AGBL4: variants seen among roughly 807,000 people sequenced by gnomAD.
The protein encoded by AGBL4 is cytosolic carboxypeptidase 6.
A neutral mutation model predicts 66.4 loss-of-function variants in AGBL4; 58 were observed. That is an observed-to-expected ratio of 0.87 (90% CI 0.71 to 1.09). The LOEUF (loss-of-function observed/expected upper bound fraction) is 1.09. Ranked by LOEUF, AGBL4 falls within the 50% of genes least tolerant of loss-of-function variation. AGBL4 has a pLI of 0.00. For missense variants in AGBL4, 579 were observed against 631.0 expected (o/e 0.92, Z 0.88); for synonymous variants, 234 against 222.9 (o/e 1.05, Z -0.44).
At chr1:48,905,524 G>T (rs1320661170) in intron 5 of AGBL4, among the ~76,000 whole-genome samples, 1 of 152,132 alleles carries the variant, frequency 6.6e-6, no homozygotes, top group Non-Finnish European at 1.5e-5. Context: ...GAAATTAAGA[G>T]AAGTTTAACA....
At position 49,352,139 on chromosome 1, in the gene AGBL4, G is replaced by A. The variant is rs1266053264; in HGVS notation, c.283-106275C>T. On this transcript the variant is annotated intron_variant, in intron 3 of 13. Coordinates refer to ENST00000371839, the MANE Select transcript of AGBL4 (RefSeq NM_032785.4). ...GGCTTAAACCACACCCATTCCAGGA[G>A]GTCTTCATTCAACATACTCACAGAA... Among the ~76,000 whole-genome samples, 3 of 152,100 alleles carry A rather than the reference G, an allele frequency of 2.0e-5. No individual in the cohort carries two copies. In the East Asian group the frequency reaches 5.8e-4, roughly 29 times the overall value.
chr1:49,049,025 C>A (rs1644147673), intron 4 of AGBL4, among the ~76,000 whole-genome samples: 1 of 152,106 alleles, frequency 6.6e-6, no homozygotes, highest in African/African-American at 2.4e-5. Flanking sequence ...AACTTCCTAT[C>A]CTCACATTTC....
At chr1:48,581,958 A>T (rs1644747293) in intron 11 of AGBL4, among the ~76,000 whole-genome samples, 1 of 152,246 alleles carries the variant, frequency 6.6e-6, no homozygotes, top group South Asian at 2.1e-4. Context: ...GCCACCGGCC[A>T]TGGCAGAAGC....
chr1:48,917,360 A>C (rs2148888008), intron 5 of AGBL4, among the ~76,000 whole-genome samples: 1 of 152,292 alleles, frequency 6.6e-6, no homozygotes. Flanking sequence ...CTATGAGACA[A>C]TAGATGTGTA....
At position 48,706,602 on chromosome 1, in the gene AGBL4, A is replaced by G. The variant is rs542128785; in HGVS notation, c.635-43361T>C. ...GCTGCAAGTACATAATTTGAAAAAG[A>G]ACCAAAAAGAAACCTGTGGAAAGCA... is the stretch of plus-strand genomic sequence containing the variant. On this transcript the variant is annotated intron_variant, in intron 6 of 13. Transcript: ENST00000371839. Among the ~76,000 whole-genome samples, 5 of 152,302 alleles carry G rather than the reference A, an allele frequency of 3.3e-5. No homozygotes were observed. The South Asian group carries it at 1.0e-3, about 32-fold the overall frequency.
rs186724777 is a variant in AGBL4 at position 49,103,459 on chromosome 1, A to G, written c.378-57659T>C. On this transcript the variant is annotated intron_variant, in intron 4 of 13. Coordinates refer to ENST00000371839, the MANE Select transcript of AGBL4 (RefSeq NM_032785.4). ...ATGTTAAAGCTGTCAAAGACCTAAG[A>G]AAAACACCTGATACAACTGTGCAGA... Among the ~76,000 whole-genome samples the G allele has an allele frequency of 3.3e-5, 5 of 152,328 alleles. No individual in the cohort carries two copies. In the East Asian group the frequency reaches 9.7e-4, roughly 29 times the overall value.
chr1:49,881,994 T>C (rs1647380815), intron 1 of AGBL4, among the ~76,000 whole-genome samples: 1 of 152,104 alleles, frequency 6.6e-6, no homozygotes, highest in Admixed American at 6.6e-5. Context: ...ATACCTAGGT[T>C]TTCTTCTAGG....
chr1:49,223,607 T>A (rs1649666547), intron 4 of AGBL4, among the ~76,000 whole-genome samples: 1 of 152,172 alleles, frequency 6.6e-6, no homozygotes, highest in Non-Finnish European at 1.5e-5. Context: ...TATTATTAAT[T>A]TCAAACTGAC....
chr1:49,323,068 T>TA (rs1645158990), intron 3 of AGBL4, among the ~76,000 whole-genome samples: 1 of 152,252 alleles, frequency 6.6e-6, no homozygotes, highest in Non-Finnish European at 1.5e-5. Flanking sequence ...TTTATGCAGT[T>TA]AACTGCTTTG....
chr1:48,749,713 G>A (rs1651357794), intron 6 of AGBL4, among the ~76,000 whole-genome samples: 1 of 152,188 alleles, frequency 6.6e-6, no homozygotes, highest in Non-Finnish European at 1.5e-5. Flanking sequence ...ACCTCTAGAA[G>A]CTCTGAACTT....
intron 3 of AGBL4, among the ~76,000 whole-genome samples, chr1:49,365,932 T>C (rs1644233548): frequency 6.6e-6 from 1 of 152,096 alleles, no homozygotes; most frequent in Non-Finnish European, 1.5e-5. Context: ...CCTACAAGAC[T>C]GTAAAAGAGC....
At chr1:49,574,317 T>C (rs1005703801) in intron 3 of AGBL4, among the ~76,000 whole-genome samples, 8 of 152,220 alleles carry the variant, frequency 5.3e-5, no homozygotes, top group African/African-American at 9.6e-5. Flanking sequence ...GCTTTTAATG[T>C]TGCAGCTCAC....
chr1:49,076,528 G>A (rs1430237280), intron 4 of AGBL4, among the ~76,000 whole-genome samples: 1 of 152,126 alleles, frequency 6.6e-6, no homozygotes, highest in Non-Finnish European at 1.5e-5. Flanking sequence ...TTCCTGTTCT[G>A]TGACTGTGTT....
chr1:49,491,517 A>G (rs1447015831), intron 3 of AGBL4, among the ~76,000 whole-genome samples: 7 of 151,908 alleles, frequency 4.6e-5, no homozygotes, highest in African/African-American at 1.7e-4. Context: ...CTTGACACAT[A>G]AAAAGTTTAA....
chr1:49,585,649 C>T (rs927742053), intron 3 of AGBL4, among the ~76,000 whole-genome samples: 2 of 152,110 alleles, frequency 1.3e-5, no homozygotes, highest in African/African-American at 2.4e-5. Flanking sequence ...AAGCAGATGA[C>T]ACAGCTAAGT....
intron 2 of AGBL4, among the ~76,000 whole-genome samples, chr1:49,721,554 A>C (rs1393202029): frequency 1.3e-5 from 2 of 152,146 alleles, no homozygotes; most frequent in Non-Finnish European, 2.9e-5. Context: ...AGGGTAAGAA[A>C]ATAAGGAGCC....
chr1:48,779,920 G>A (rs1210092781), intron 6 of AGBL4, among the ~76,000 whole-genome samples: 1 of 151,814 alleles, frequency 6.6e-6, no homozygotes, highest in Non-Finnish European at 1.5e-5. Flanking sequence ...CACCATGTTG[G>A]TCAGGCTGGT....
chr1:48,881,311 A>G (rs991867143), intron 5 of AGBL4, among the ~76,000 whole-genome samples: 1 of 152,150 alleles, frequency 6.6e-6, no homozygotes, highest in Non-Finnish European at 1.5e-5. Flanking sequence ...TGTTGTTTTA[A>G]TTCCTTTTTT....
chr1:50,008,849 A>C (rs1028045578), intron 1 of AGBL4, among the ~76,000 whole-genome samples: 2 of 152,136 alleles, frequency 1.3e-5, no homozygotes, highest in African/African-American at 4.8e-5. Context: ...TATTCAAAGG[A>C]TCATTAGAGG....
Sources: gnomAD v4.1 joint callset for allele counts (sites outside exome capture counted in the v4.1 genomes callset) on GRCh38, gnomAD v4.1.1 for gene constraint, MANE v1.5 for transcripts, NCBI Gene and HGNC (gene_info 2026-07-23, HGNC 2026-07-21) for gene names.